The following PCDH7 variants were observed in gnomAD, a reference collection of about 807,000 sequenced individuals.
The protein encoded by PCDH7 is protocadherin-7.
PCDH7 carries 17 observed loss-of-function variants against 58.9 expected under a neutral mutation model. That is an observed-to-expected ratio of 0.29 (90% confidence interval 0.20 to 0.43). The LOEUF (loss-of-function observed/expected upper bound fraction) is 0.43. PCDH7 is among the 20% of genes least tolerant of loss of function. The pLI, the probability that PCDH7 is intolerant of heterozygous loss-of-function variation, is 1.00. For synonymous variants in PCDH7, 664 were observed against 616.4 expected (o/e 1.08, Z -1.14); for missense variants, 1,274 against 1,441.0 (o/e 0.88, Z 1.88).
At chr4:30,957,976 T>A (rs556794995) in intron 3 of PCDH7, among the ~76,000 whole-genome samples, 1 of 152,206 alleles carries the variant, frequency 6.6e-6, no homozygotes, top group East Asian at 1.9e-4. Flanking sequence ...TTTATGACAC[T>A]TGAACTTAAG....
intron 3 of PCDH7, among the ~76,000 whole-genome samples, chr4:31,036,942 C>G (rs971319777): frequency 1.3e-5 from 2 of 152,142 alleles, no homozygotes; most frequent in African/African-American, 4.8e-5. Flanking sequence ...ATAAAACCAT[C>G]ACATCTCATG....
rs1725163146 is a variant in PCDH7, at chr4:30,799,015, A to G, written c.70+74419A>G. Among the ~76,000 whole-genome samples the G allele has an allele frequency of 2.0e-5, 3 of 152,342 alleles. No individual in the cohort carries two copies. The South Asian group carries it at 6.2e-4, about 32-fold the overall frequency. ...TTGAAAAAAATATAAAACAATTCAT[A>G]TGATTTCATTTGTAGTAAGACACTT... On this transcript the variant is annotated intron_variant, in intron 1 of 3. Coordinates refer to the PCDH7 transcript ENST00000509759.
At chr4:30,753,231 C>T (rs1467609967) in intron 1 of PCDH7, among the ~76,000 whole-genome samples, 1 of 152,114 alleles carries the variant, frequency 6.6e-6, no homozygotes, top group African/African-American at 2.4e-5. Flanking sequence ...CTTTTTATTT[C>T]TGGTACATAT....
chr4:31,119,785 C>A (rs1295068172), intron 3 of PCDH7, among the ~76,000 whole-genome samples: 1 of 152,106 alleles, frequency 6.6e-6, no homozygotes, highest in Non-Finnish European at 1.5e-5. Flanking sequence ...GAGTTATACA[C>A]ATGCTCCAGA....
At chr4:31,116,823 T>G (rs907625667) in intron 3 of PCDH7, among the ~76,000 whole-genome samples, 30 of 151,754 alleles carry the variant, frequency 2.0e-4, no homozygotes, top group African/African-American at 5.6e-4. Flanking sequence ...ATTTGTGGGG[T>G]TTTTTTGTTG....
chr4:30,895,898 C>T (rs1739337327), intron 1 of PCDH7, among the ~76,000 whole-genome samples: 1 of 152,160 alleles, frequency 6.6e-6, no homozygotes, highest in South Asian at 2.1e-4. Flanking sequence ...ATGCTTTCTC[C>T]AATGAACATA....
At position 30,790,031 on chromosome 4, in the gene PCDH7, G is replaced by A. The variant is rs965260907; in HGVS notation, c.70+65435G>A. On this transcript the variant is annotated intron_variant, in intron 1 of 3. Transcript: ENST00000509759. ...AGAATCCATCATTAGATTTGGACTC[G>A]CATGAATAAAAATGTCACTAAAATA... 5.9e-5 allele frequency among the ~76,000 whole-genome samples: 9 copies of A among 152,272 alleles called. No individual in the cohort carries two copies. The East Asian group carries it at 1.2e-3, about 20-fold the overall frequency.
intron 3 of PCDH7, among the ~76,000 whole-genome samples, chr4:30,958,719 A>C (rs1001878864): frequency 6.6e-6 from 1 of 151,996 alleles, no homozygotes; most frequent in Admixed American, 6.6e-5. Context: ...TCTTTTTAAG[A>C]ATTTTGATAT....
chr4:30,906,760 C>T (rs1324435297), intron 1 of PCDH7, among the ~76,000 whole-genome samples: 2 of 152,134 alleles, frequency 1.3e-5, no homozygotes, highest in Non-Finnish European at 2.9e-5. Flanking sequence ...CTGTGACTCA[C>T]ACCTGTAATC....
chr4:30,831,317 GA>G (rs1262879545), intron 1 of PCDH7, among the ~76,000 whole-genome samples: 1 of 152,110 alleles, frequency 6.6e-6, no homozygotes, highest in Non-Finnish European at 1.5e-5. Context: ...TCCAGAAAAG[GA>G]GCCTGGGATA....
At chr4:31,097,524 A>G (rs113869787) in intron 3 of PCDH7, among the ~76,000 whole-genome samples, 2,915 of 72,308 alleles carry the variant, frequency 0.04, 169 homozygotes, top group African/African-American at 0.15. Context: ...AAGAAAGAAG[A>G]AAGAAAGAAA....
intron 2 of PCDH7, among the ~76,000 whole-genome samples, chr4:30,939,659 C>A (rs1745794446): frequency 6.6e-6 from 1 of 151,950 alleles, no homozygotes; most frequent in South Asian, 2.1e-4. Flanking sequence ...ATGGCTTGTA[C>A]CAACACAACT....
At chr4:30,906,738 A>G (rs1560488909) in intron 1 of PCDH7, among the ~76,000 whole-genome samples, 1 of 152,136 alleles carries the variant, frequency 6.6e-6, no homozygotes, top group Non-Finnish European at 1.5e-5. Flanking sequence ...TAAGTAGATT[A>G]TGGACCAGGC....
intron 3 of PCDH7, among the ~76,000 whole-genome samples, chr4:31,060,888 TA>T (rs1279061487): frequency 6.6e-6 from 1 of 151,730 alleles, no homozygotes; most frequent in Non-Finnish European, 1.5e-5. Flanking sequence ...AACATGCATC[TA>T]TTTTTGCATT....
At chr4:31,132,564 T>C (rs972797257) in intron 3 of PCDH7, among the ~76,000 whole-genome samples, 6 of 152,150 alleles carry the variant, frequency 3.9e-5, no homozygotes, top group African/African-American at 1.4e-4. Flanking sequence ...ATTACCTAGT[T>C]ATGATGTAAA....
chr4:30,875,470 T>C (rs1000249875), intron 1 of PCDH7, among the ~76,000 whole-genome samples: 1 of 152,068 alleles, frequency 6.6e-6, no homozygotes, highest in Non-Finnish European at 1.5e-5. Context: ...GAAATCCATC[T>C]CTTTAATGTT....
chr4:30,897,923 G>T (rs1015095692), intron 1 of PCDH7, among the ~76,000 whole-genome samples: 1 of 152,158 alleles, frequency 6.6e-6, no homozygotes, highest in Non-Finnish European at 1.5e-5. Flanking sequence ...GTACAGCTTG[G>T]TATAATCAGC....
intron 3 of PCDH7, among the ~76,000 whole-genome samples, chr4:30,981,505 C>T (rs1750565822): frequency 6.6e-6 from 1 of 152,174 alleles, no homozygotes; most frequent in Non-Finnish European, 1.5e-5. Flanking sequence ...TACTCTCTCA[C>T]ATTGAACTAT....
At position 30,923,811 on chromosome 4, in the gene PCDH7, A is replaced by G. The variant is rs369413842; in HGVS notation, c.287+3442A>G. Among the ~76,000 whole-genome samples, 143 of 152,288 alleles carry G rather than the reference A, an allele frequency of 9.4e-4. 1 individual carries two copies. The highest frequency in any genetic ancestry group is 3.3e-3 in the African/African-American group (137 of 41,572). Reference sequence around the variant, plus strand: ...ATTTCATGCTAATCTTTTAATATCAATCTAATCAAAGATTGAGGAAATTGG... The same window carrying G: ...ATTTCATGCTAATCTTTTAATATCAGTCTAATCAAAGATTGAGGAAATTGG... On this transcript the variant is annotated intron_variant, in intron 2 of 3. Coordinates refer to the PCDH7 transcript ENST00000509759.
Sources: gnomAD v4.1 joint callset for allele counts (sites outside exome capture counted in the v4.1 genomes callset) on GRCh38, gnomAD v4.1.1 for gene constraint, MANE v1.5 for transcripts, NCBI Gene and HGNC (gene_info 2026-07-23, HGNC 2026-07-21) for gene names.